ZNF521: variants seen among roughly 807,000 people sequenced by gnomAD.
ZNF521 encodes the protein LYST-interacting protein 3.
Under a neutral mutation model 105.5 loss-of-function variants are expected in ZNF521, and 14 were observed. The observed-to-expected ratio is 0.13, with a 90% CI of 0.09 to 0.21. The LOEUF is 0.21. Ranked by LOEUF, ZNF521 falls within the 10% of genes least tolerant of loss-of-function variation. ZNF521 has a pLI of 1.00. For synonymous variants in ZNF521, 635 were observed against 606.0 expected (o/e 1.05, Z -0.70); for missense variants, 1,233 against 1,629.7 (o/e 0.76, Z 4.19).
At chr18:25,189,548 G>C (rs911841255) in intron 5 of ZNF521, among the ~76,000 whole-genome samples, 1 of 152,116 alleles carries the variant, frequency 6.6e-6, no homozygotes, top group Non-Finnish European at 1.5e-5. Flanking sequence ...CAGGCCACAG[G>C]CTCCATCCTG....
At chr18:25,108,508 A>G (rs1274513795) in intron 5 of ZNF521, among the ~76,000 whole-genome samples, 2 of 152,132 alleles carry the variant, frequency 1.3e-5, no homozygotes, top group Admixed American at 1.3e-4. Context: ...AATAATAGAT[A>G]TTGGAATTCA....
intron 4 of ZNF521, among the ~76,000 whole-genome samples, chr18:25,204,182 T>C (rs1336495009): frequency 5.3e-5 from 8 of 152,202 alleles, no homozygotes; most frequent in Admixed American, 3.9e-4. Flanking sequence ...AGTATTTCTT[T>C]ATAGCAATGC....
At chr18:25,207,121 T>C (rs8092637) in intron 4 of ZNF521, among the ~76,000 whole-genome samples, 71,905 of 151,968 alleles carry the variant, frequency 0.47, 17,430 homozygotes, top group African/African-American at 0.58. Context: ...CCAAAGGTAA[T>C]AGCCAAGCTT....
chr18:25,198,854 C>T lies in ZNF521; in HGVS notation c.3574-3610G>A, dbSNP rs151251740. 1.6e-4 allele frequency among the ~76,000 whole-genome samples: 24 copies of T among 151,980 alleles called. No homozygotes were observed. The East Asian group carries it at 4.6e-3, about 29-fold the overall frequency. The stretch of plus-strand genomic sequence containing the variant: ...GGTTCAGGATAATCATTAATGGATG[C>T]TGAAACTAGTAGAAGACAGGTTATT... On this transcript the variant is annotated intron_variant, in intron 4 of 7. Coordinates refer to ENST00000361524, the MANE Select transcript of ZNF521 (RefSeq NM_015461.3).
At chr18:25,253,519 TCTC>T (rs1908258013) in intron 3 of ZNF521, among the ~76,000 whole-genome samples, 1 of 152,150 alleles carries the variant, frequency 6.6e-6, no homozygotes, top group Admixed American at 6.6e-5. Flanking sequence ...TTCTATTTGA[TCTC>T]CTTCAAAAAA....
At chr18:25,172,629 G>A (rs1600116812) in intron 5 of ZNF521, among the ~76,000 whole-genome samples, 3 of 152,300 alleles carry the variant, frequency 2.0e-5, no homozygotes, top group African/African-American at 7.2e-5. Flanking sequence ...GTACTGTGGT[G>A]ATAGACATTA....
Position 25,159,523 on chromosome 18 carries a change from C to A in ZNF521, c.3658+35637G>T, listed in dbSNP as rs527640377. 1.8e-4 allele frequency among the ~76,000 whole-genome samples: 27 copies of A among 147,204 alleles called. 1 individual carries two copies. The highest frequency in any genetic ancestry group is 4.7e-4 in the Admixed American group (7 of 14,848). On this transcript the variant is annotated intron_variant, in intron 5 of 7. Coordinates refer to ENST00000361524, the MANE Select transcript of ZNF521 (RefSeq NM_015461.3). ...AACGACTAACACTAACAAAAAAAAA[C>A]CATAGATATTTTGGGTTGTAAGATT...
At chr18:25,196,554 G>A (rs4609931) in intron 4 of ZNF521, among the ~76,000 whole-genome samples, 83,382 of 151,002 alleles carry the variant, frequency 0.55, 24,095 homozygotes, top group African/African-American at 0.72. Flanking sequence ...TGTAAACTAC[G>A]GAAGTACAGG....
At chr18:25,221,721 T>C (rs1905738765) in intron 4 of ZNF521, among the ~76,000 whole-genome samples, 1 of 152,204 alleles carries the variant, frequency 6.6e-6, no homozygotes, top group South Asian at 2.1e-4. Flanking sequence ...AAGACTTATA[T>C]AATAACATTT....
chr18:25,214,881 T>C (rs1044994425), intron 4 of ZNF521, among the ~76,000 whole-genome samples: 3 of 152,080 alleles, frequency 2.0e-5, no homozygotes, highest in Non-Finnish European at 2.9e-5. Context: ...CAATGGCTCC[T>C]GGGGAGTGAC....
chr18:25,302,643 T>G (rs143173191), intron 3 of ZNF521: 1 of 152,208 alleles, frequency 6.6e-6, no homozygotes, highest in Admixed American at 6.5e-5. Flanking sequence ...ATAATAAAGA[T>G]GTTTCCTTAT....
intron 5 of ZNF521, among the ~76,000 whole-genome samples, chr18:25,160,069 C>A (rs370578320): frequency 2.6e-5 from 4 of 152,152 alleles, no homozygotes; most frequent in African/African-American, 7.2e-5. Flanking sequence ...AGGCACCAGA[C>A]AACTCACCTG....
At chr18:25,267,418 C>G (rs912612319) in intron 3 of ZNF521, among the ~76,000 whole-genome samples, 1 of 152,198 alleles carries the variant, frequency 6.6e-6, no homozygotes, top group Admixed American at 6.5e-5. Context: ...GCACAGCATT[C>G]GAGCTCTGAT....
rs192951648 is a variant in ZNF521 at position 25,312,290 on chromosome 18, A to G, written c.220+9718T>C. Among the ~76,000 whole-genome samples the G allele has an allele frequency of 1.9e-3, 295 of 152,306 alleles. 5 individuals are homozygous for G. Among genetic ancestry groups the G allele is most frequent in the Non-Finnish European group, 5.4e-4 (37 of 68,022 alleles). On this transcript the variant is annotated intron_variant, in intron 3 of 7. Coordinates refer to ENST00000361524, the MANE Select transcript of ZNF521 (RefSeq NM_015461.3). ...CAATTACAATACCCACAAGCATTCA[A>G]AGAGCTTTGAGAAAATAACAGATCT... is the stretch of plus-strand genomic sequence containing the variant.
chr18:25,267,094 G>A (rs977093939), intron 3 of ZNF521, among the ~76,000 whole-genome samples: 1 of 152,156 alleles, frequency 6.6e-6, no homozygotes, highest in Non-Finnish European at 1.5e-5. Context: ...GGTGGGGGGA[G>A]GGGCGTCCGC....
At chr18:25,255,998 TATATATATATG>T (rs1386735580) in intron 3 of ZNF521, among the ~76,000 whole-genome samples, 1 of 145,560 alleles carries the variant, frequency 6.9e-6, no homozygotes, top group South Asian at 2.1e-4. Context: ...ATATATATGG[TATATATATATG>T]ATATATATAT....
At chr18:25,167,896 T>C (rs1350433914) in intron 5 of ZNF521, among the ~76,000 whole-genome samples, 1 of 152,202 alleles carries the variant, frequency 6.6e-6, no homozygotes, top group African/African-American at 2.4e-5. Context: ...GTTAGCATTC[T>C]GAAGTATTGA....
intron 5 of ZNF521, among the ~76,000 whole-genome samples, chr18:25,194,590 A>C (rs1348161449): frequency 6.6e-6 from 1 of 151,748 alleles, no homozygotes; most frequent in Non-Finnish European, 1.5e-5. Flanking sequence ...ACTTTTATTA[A>C]AATCTATGGA....
At chr18:25,300,492 A>C (rs1166877878) in intron 3 of ZNF521, among the ~76,000 whole-genome samples, 4 of 152,202 alleles carry the variant, frequency 2.6e-5, no homozygotes, top group Non-Finnish European at 5.9e-5. Flanking sequence ...ACAAGAGAAC[A>C]GTCTTATGTT....
Sources: allele counts gnomAD v4.1 joint callset (sites outside exome capture counted in the v4.1 genomes callset), GRCh38; gene constraint gnomAD v4.1.1; transcripts MANE v1.5; gene names NCBI Gene and HGNC (gene_info 2026-07-23, HGNC 2026-07-21).